Variants in RBFOX1 observed in about 807,000 individuals in gnomAD.
RBFOX1 encodes RNA binding protein fox-1 homolog 1.
A neutral mutation model predicts 57.7 loss-of-function variants in RBFOX1; 8 were observed. That is an observed-to-expected ratio of 0.14 (90% CI 0.08 to 0.25). The LOEUF is 0.25. RBFOX1 is among the 10% of genes least tolerant of loss of function. The probability of loss-of-function intolerance (pLI) is 1.00; values close to 1 mark genes in which losing one functional copy is unlikely to be tolerated. For synonymous variants in RBFOX1, 326 were observed against 222.4 expected (o/e 1.47, Z -4.15); for missense variants, 611 against 548.5 (o/e 1.11, Z -1.14).
At chr16:7,505,064 C>T (rs2072775812) in intron 4 of RBFOX1, among the ~76,000 whole-genome samples, 1 of 151,006 alleles carries the variant, frequency 6.6e-6, no homozygotes, top group Admixed American at 6.6e-5. Flanking sequence ...GCTCTCAGTG[C>T]CCCGAGGTGC....
intron 2 of RBFOX1, among the ~76,000 whole-genome samples, chr16:6,446,591 A>G (rs1001817864): frequency 1.3e-5 from 2 of 152,198 alleles, no homozygotes; most frequent in Non-Finnish European, 2.9e-5. Flanking sequence ...GCTAGGAATT[A>G]TGGCCAATGA....
At chr16:7,499,434 C>T (rs892574891) in intron 4 of RBFOX1, among the ~76,000 whole-genome samples, 1 of 152,090 alleles carries the variant, frequency 6.6e-6, no homozygotes, top group Non-Finnish European at 1.5e-5. Flanking sequence ...AGGTTACATT[C>T]TGAGATACTG....
intron 3 of RBFOX1, among the ~76,000 whole-genome samples, chr16:6,689,000 G>T (rs761393663): frequency 6.6e-6 from 1 of 152,168 alleles, no homozygotes; most frequent in Non-Finnish European, 1.5e-5. Flanking sequence ...GTATTCCATG[G>T]TTTATATGTG....
At chr16:7,031,467 A>G (rs1290274767) in intron 3 of RBFOX1, among the ~76,000 whole-genome samples, 2 of 152,018 alleles carry the variant, frequency 1.3e-5, no homozygotes, top group Non-Finnish European at 2.9e-5. Context: ...ATGGTGGCAC[A>G]TGCCTGTAGT....
At chr16:6,692,153 A>G (rs962599096) in intron 3 of RBFOX1, among the ~76,000 whole-genome samples, 38 of 152,288 alleles carry the variant, frequency 2.5e-4, no homozygotes, top group East Asian at 9.6e-4. Context: ...ATATTCTCCT[A>G]TTTTACAGAT....
At chr16:6,890,584 G>C (rs1319368591) in intron 3 of RBFOX1, among the ~76,000 whole-genome samples, 1 of 152,202 alleles carries the variant, frequency 6.6e-6, no homozygotes, top group African/African-American at 2.4e-5. Context: ...TAAAGTGATA[G>C]ATTTAAGGAA....
At chr16:6,915,592 C>T (rs891244560) in intron 3 of RBFOX1, among the ~76,000 whole-genome samples, 9 of 148,316 alleles carry the variant, frequency 6.1e-5, no homozygotes, top group Non-Finnish European at 1.2e-4. Context: ...GCTCTGTCAC[C>T]CAGGCTGGAG....
intron 4 of RBFOX1, among the ~76,000 whole-genome samples, chr16:7,107,489 A>G (rs192231928): frequency 1.3e-5 from 2 of 152,256 alleles, no homozygotes; most frequent in East Asian, 3.9e-4. Context: ...TTATTGAGGA[A>G]GGATTAACTG....
intron 3 of RBFOX1, among the ~76,000 whole-genome samples, chr16:6,802,879 C>G (rs769695302): frequency 1.3e-5 from 2 of 152,142 alleles, no homozygotes; most frequent in East Asian, 1.9e-4. Flanking sequence ...AAGGAGCTGA[C>G]ATAGTGGAAT....
At chr16:7,237,437 C>T (rs1054244309) in intron 4 of RBFOX1, among the ~76,000 whole-genome samples, 1 of 152,228 alleles carries the variant, frequency 6.6e-6, no homozygotes, top group African/African-American at 2.4e-5. Flanking sequence ...GGACCAGGCA[C>T]TGCTCTAAAG....
At chr16:7,359,852 C>A (rs908787749) in intron 4 of RBFOX1, among the ~76,000 whole-genome samples, 1 of 152,092 alleles carries the variant, frequency 6.6e-6, no homozygotes, top group Non-Finnish European at 1.5e-5. Flanking sequence ...GGCATGGAGG[C>A]ATGCACCTGT....
At chr16:6,619,566 C>G (rs758083591) in intron 2 of RBFOX1, among the ~76,000 whole-genome samples, 9 of 151,964 alleles carry the variant, frequency 5.9e-5, no homozygotes, top group African/African-American at 1.9e-4. Context: ...ATAAGAAGGA[C>G]TTATTCATTC....
intron 1 of RBFOX1, among the ~76,000 whole-genome samples, chr16:6,112,870 G>A (rs2096461326): frequency 6.6e-6 from 1 of 152,132 alleles, no homozygotes; most frequent in Admixed American, 6.6e-5. Context: ...GTAGAGGGGA[G>A]TTGGAAAGTG....
At chr16:6,479,731 G>C (rs867061690) in intron 2 of RBFOX1, among the ~76,000 whole-genome samples, 36 of 151,964 alleles carry the variant, frequency 2.4e-4, no homozygotes, top group African/African-American at 8.4e-4. Context: ...GGGAATTATG[G>C]CCTCTTACAG....
intron 1 of RBFOX1, among the ~76,000 whole-genome samples, chr16:5,357,476 A>C (rs2065422906): frequency 6.6e-6 from 1 of 152,216 alleles, no homozygotes; most frequent in Non-Finnish European, 1.5e-5. Flanking sequence ...TCCCACAGGG[A>C]AGAGCCACAC....
intron 3 of RBFOX1, among the ~76,000 whole-genome samples, chr16:7,010,616 C>A (rs548414105): frequency 2.6e-5 from 4 of 151,848 alleles, no homozygotes; most frequent in Non-Finnish European, 4.4e-5. Context: ...GTGGAGTGAT[C>A]TTGGATGACT....
At chr16:7,153,498 A>T (rs1045365664) in intron 4 of RBFOX1, among the ~76,000 whole-genome samples, 2 of 151,882 alleles carry the variant, frequency 1.3e-5, no homozygotes, top group Admixed American at 1.3e-4. Context: ...GCACTTTGGG[A>T]GGCTGCGGCA....
intron 1 of RBFOX1, among the ~76,000 whole-genome samples, chr16:5,305,813 G>T (rs1203748365): frequency 2.0e-5 from 3 of 152,182 alleles, no homozygotes; most frequent in Non-Finnish European, 4.4e-5. Flanking sequence ...ATCCCAGCAA[G>T]TCGGGAGGCC....
At chr16:6,693,913 A>T (rs17140934) in intron 3 of RBFOX1, among the ~76,000 whole-genome samples, 10,804 of 152,292 alleles carry the variant, frequency 0.071, 465 homozygotes, top group African/African-American at 0.12. Flanking sequence ...AGAATCATCT[A>T]ATTGACTGTT....
Sources: gnomAD v4.1 joint callset for allele counts (sites outside exome capture counted in the v4.1 genomes callset) on GRCh38, gnomAD v4.1.1 for gene constraint, MANE v1.5 for transcripts, NCBI Gene and HGNC (gene_info 2026-07-23, HGNC 2026-07-21) for gene names.